FXYD7: variants seen among roughly 807,000 people sequenced by gnomAD.
FXYD7 encodes FXYD domain containing ion transport regulator 7.
Under a neutral mutation model 15.3 loss-of-function variants are expected in FXYD7, and 7 were observed. The ratio of observed to expected loss-of-function variants is 0.46; its 90% CI spans 0.26 to 0.86. The LOEUF is 0.86. Among genes scored for constraint, FXYD7 ranks in the 40% least tolerant of loss-of-function variants. FXYD7 has a pLI of 0.16. For missense variants in FXYD7, 78 were observed against 100.6 expected, an observed-to-expected ratio of 0.78 and a Z score of 0.96; for synonymous variants, 39 against 39.3, an observed-to-expected ratio of 0.99 and a Z score of 0.03.
At chr19:35,151,776 A>AG (rs551902878) in intron 5 of FXYD7, 103 bp downstream of exon 5, 21 of 453,064 alleles carry the variant, frequency 4.6e-5, no homozygotes, top group Admixed American at 1.5e-4. Context: ...CAGGGGGCGG[A>AG]GGGGGGGTGG....
intron 2 of FXYD7, 166 bp downstream of exon 2, chr19:35,148,889 G>A (rs1490284279): frequency 1.3e-6 from 1 of 756,360 alleles, no homozygotes; most frequent in African/African-American, 1.7e-5. Context: ...ATGGAGGGCA[G>A]AACCAGATGG....
rs891669389 is a variant in FXYD7, at chr19:35,143,801, G to A, written c.31+437G>A. 6.6e-6 allele frequency among the ~76,000 whole-genome samples: 1 copy of A among 152,148 alleles called. No individual in the cohort carries two copies. The highest frequency in any genetic ancestry group is 2.4e-5 in the African/African-American group (1 of 41,424). ...TCATGTCCCTCTTCTTTCCAGTGCT[G>A]TCTCCTAGGGTGTCTGTTTCCTGAA... On this transcript the variant is annotated intron_variant, in intron 1 of 5. Coordinates refer to ENST00000270310, the MANE Select transcript of FXYD7 (RefSeq NM_022006.2). This position sits in a 1 kb window ranked among gnomAD's most constrained non-coding sequence, Gnocchi z 4.3.
intron 2 of FXYD7, 98 bp downstream of exon 2, chr19:35,148,821 T>C (rs569246965): frequency 1.1e-5 from 12 of 1,092,340 alleles, no homozygotes; most frequent in African/African-American, 3.1e-5. Flanking sequence ...ACACGATACG[T>C]GCTGGGCCAC....
At chr19:35,153,352 G>A (rs1005628423) in intron 5 of FXYD7, among the ~76,000 whole-genome samples, 1 of 152,152 alleles carries the variant, frequency 6.6e-6, no homozygotes, top group African/African-American at 2.4e-5. Flanking sequence ...GAGCCACAGC[G>A]CTTGGCCTGT....
intron 1 of FXYD7, among the ~76,000 whole-genome samples, chr19:35,144,837 G>T (rs753843252): frequency 5.3e-5 from 8 of 152,152 alleles, no homozygotes; most frequent in Middle Eastern, 3.2e-3. Context: ...CCCAGTCACA[G>T]CATGACAGGG....
intron 2 of FXYD7, 77 bp downstream of exon 2, chr19:35,148,800 C>T (rs754925710): frequency 2.3e-6 from 3 of 1,279,544 alleles, no homozygotes; most frequent in African/African-American, 2.9e-5. Flanking sequence ...GACATGGCTT[C>T]AGCTGTGGCC....
chr19:35,144,505 C>T (rs1458605477), intron 1 of FXYD7, among the ~76,000 whole-genome samples: 1 of 152,192 alleles, frequency 6.6e-6, no homozygotes, highest in Non-Finnish European at 1.5e-5. Flanking sequence ...GCACTGAGGG[C>T]AGGGGACCAG....
At chr19:35,153,804 C>A in intron 5 of FXYD7, 90 bp from the exon 6 acceptor site, 1 of 1,255,038 alleles carries the variant, frequency 8.0e-7, no homozygotes, top group Non-Finnish European at 1.2e-6. Context: ...GTCTGGCTTC[C>A]ATGGTGCCGG....
intron 2 of FXYD7, 45 bp downstream of exon 2, chr19:35,148,768 C>T (rs929266045): frequency 5.9e-6 from 9 of 1,525,210 alleles, no homozygotes; most frequent in Non-Finnish European, 8.2e-6. Flanking sequence ...GGAGTAGCTG[C>T]AGGTGCTCAC....
chr19:35,146,265 G>A (rs918657522), intron 1 of FXYD7, among the ~76,000 whole-genome samples: 2 of 152,166 alleles, frequency 1.3e-5, no homozygotes, highest in East Asian at 1.9e-4. Flanking sequence ...AGCCTCCCAA[G>A]TAGCTGGGAC....
At chr19:35,145,726 A>C (rs1380120205) in intron 1 of FXYD7, among the ~76,000 whole-genome samples, 5 of 152,158 alleles carry the variant, frequency 3.3e-5, no homozygotes, top group Non-Finnish European at 7.3e-5. Flanking sequence ...GCTTTATTCA[A>C]ATATTCCTCA....
chr19:35,146,881 G>A (rs867986600), intron 1 of FXYD7, among the ~76,000 whole-genome samples: 4 of 152,172 alleles, frequency 2.6e-5, no homozygotes, highest in African/African-American at 9.7e-5. Context: ...TGTGTGAACC[G>A]TGGTCTTGCT....
chr19:35,153,839 G>T, intron 5 of FXYD7, 55 bp from the exon 6 acceptor site: 1 of 1,569,216 alleles, frequency 6.4e-7, no homozygotes. Flanking sequence ...ACGAGCTGTG[G>T]GGAGGGAGGC....
At chr19:35,145,680 A>G (rs773899414) in intron 1 of FXYD7, among the ~76,000 whole-genome samples, 2 of 152,250 alleles carry the variant, frequency 1.3e-5, no homozygotes, top group Non-Finnish European at 2.9e-5. Flanking sequence ...GCGTCTCACC[A>G]TCTTGGCGCT....
chr19:35,147,123 G>C (rs1454326828), intron 1 of FXYD7, among the ~76,000 whole-genome samples: 1 of 152,220 alleles, frequency 6.6e-6, no homozygotes, highest in Non-Finnish European at 1.5e-5. Context: ...CAGGCCACCA[G>C]GCTAGAAGTG....
chr19:35,151,262 A>G lies in FXYD7; in HGVS notation c.70A>G (p.Thr24Ala). Residue 24 changes from threonine to alanine, a missense_variant, in exon 3 of 6, where the codon ACG becomes GCG. Thr to Ala is a moderately conservative substitution (Grantham distance 58). Coordinates refer to ENST00000270310, the MANE Select transcript of FXYD7 (RefSeq NM_022006.2). The stretch of plus-strand genomic sequence containing the variant: ...CCCATTATCTTCCCCAGACTACAAC[A>G]CGGTGCAGACTGTGGGCATGACTCT... ...EPDPFYYDYN[T>A]VQTVGMTLAT... is the part of the protein sequence containing the mutation. 1 of 1,598,100 alleles carries G rather than the reference A, an allele frequency of 6.3e-7. No homozygotes were observed. Among genetic ancestry groups the G allele is most frequent in the Non-Finnish European group, 8.6e-7 (1 of 1,165,606 alleles).
At chr19:35,145,883 T>C (rs2065287258) in intron 1 of FXYD7, among the ~76,000 whole-genome samples, 1 of 152,088 alleles carries the variant, frequency 6.6e-6, no homozygotes, top group South Asian at 2.1e-4. Context: ...GCTCAATCTA[T>C]CCTCCTGCCT....
chr19:35,151,949 G>A (rs958185298), intron 5 of FXYD7, among the ~76,000 whole-genome samples: 5 of 151,906 alleles, frequency 3.3e-5, no homozygotes, highest in South Asian at 4.2e-4. Flanking sequence ...GATCAGCCCG[G>A]CCAACATGGT....
At chr19:35,146,064 C>T (rs919580031) in intron 1 of FXYD7, among the ~76,000 whole-genome samples, 2 of 152,206 alleles carry the variant, frequency 1.3e-5, no homozygotes, top group Admixed American at 1.3e-4. Context: ...AGGCGTGGGC[C>T]ACCATGCCCA....
Sources: allele counts gnomAD v4.1 joint callset (sites outside exome capture counted in the v4.1 genomes callset), GRCh38; gene constraint gnomAD v4.1.1; non-coding constraint Gnocchi (gnomAD v3.1); transcripts MANE v1.5; gene names NCBI Gene and HGNC (gene_info 2026-07-23, HGNC 2026-07-21).